The following LCLAT1 variants were observed in gnomAD, a reference collection of about 807,000 sequenced individuals.
The protein encoded by LCLAT1 is lysocardiolipin acyltransferase 1, also known as 1-AGP acyltransferase 8.
LCLAT1 carries 11 observed loss-of-function variants against 30.7 expected under a neutral mutation model. That is an observed-to-expected ratio of 0.36 (90% CI 0.23 to 0.59). LCLAT1 has a LOEUF of 0.59. Among genes scored for constraint, LCLAT1 ranks in the 20% least tolerant of loss-of-function variants. The pLI is 0.77. For synonymous variants in LCLAT1, 155 were observed against 151.3 expected (o/e 1.02, Z -0.18); for missense variants, 402 against 458.6 (o/e 0.88, Z 1.13).
intron 3 of LCLAT1, among the ~76,000 whole-genome samples, chr2:30,558,489 A>G (rs889508386): frequency 2.7e-5 from 4 of 150,816 alleles, no homozygotes; most frequent in African/African-American, 9.8e-5. Flanking sequence ...AGTCCCAACT[A>G]CTCGAGGCTG....
At chr2:30,562,620 G>A (rs185858372) in intron 4 of LCLAT1, among the ~76,000 whole-genome samples, 2 of 152,262 alleles carry the variant, frequency 1.3e-5, no homozygotes, top group East Asian at 1.9e-4. Context: ...TGAATTTATA[G>A]TAGGCAACTC....
chr2:30,504,982 A>G (rs2148348810), intron 1 of LCLAT1, among the ~76,000 whole-genome samples: 1 of 152,296 alleles, frequency 6.6e-6, no homozygotes, highest in East Asian at 1.9e-4. Context: ...TTAGCAATAC[A>G]TCTTGGAGAG....
chr2:30,612,386 C>CT (rs1304270029), intron 5 of LCLAT1, among the ~76,000 whole-genome samples: 1 of 152,084 alleles, frequency 6.6e-6, no homozygotes, highest in East Asian at 1.9e-4. Flanking sequence ...TAAAAGGCAC[C>CT]TATCATCATT....
chr2:30,461,799 C>T (rs1255372624), intron 1 of LCLAT1, among the ~76,000 whole-genome samples: 2 of 108,890 alleles, frequency 1.8e-5, no homozygotes, highest in African/African-American at 6.5e-5. Flanking sequence ...GAGACGGAGT[C>T]TCGCTCTGTC....
chr2:30,635,725 G>C (rs1381961099), intron 5 of LCLAT1, among the ~76,000 whole-genome samples: 3 of 152,298 alleles, frequency 2.0e-5, no homozygotes, highest in East Asian at 3.9e-4. Flanking sequence ...AGAAATTGTA[G>C]TAGATGCTAA....
chr2:30,521,191 T>G (rs1169439515), intron 1 of LCLAT1, among the ~76,000 whole-genome samples: 1 of 152,214 alleles, frequency 6.6e-6, no homozygotes, highest in African/African-American at 2.4e-5. Flanking sequence ...GAAGTTACCC[T>G]ATAAGGTCTA....
intron 5 of LCLAT1, among the ~76,000 whole-genome samples, chr2:30,616,871 A>T (rs1668017925): frequency 6.6e-6 from 1 of 152,216 alleles, no homozygotes; most frequent in Admixed American, 6.5e-5. Flanking sequence ...ACATGTGAAT[A>T]AATTTGTTTC....
chr2:30,622,368 G>A (rs930356179), intron 5 of LCLAT1, among the ~76,000 whole-genome samples: 1 of 152,128 alleles, frequency 6.6e-6, no homozygotes, highest in South Asian at 2.1e-4. Context: ...TGAGAGCTCT[G>A]TTGTCCCTCC....
chr2:30,513,477 C>A (rs1188053392), intron 1 of LCLAT1, among the ~76,000 whole-genome samples: 1 of 151,818 alleles, frequency 6.6e-6, no homozygotes, highest in Non-Finnish European at 1.5e-5. Context: ...CTTTATTGAC[C>A]CCTAGTCTCA....
At chr2:30,532,409 G>T (rs542474778) in intron 2 of LCLAT1, among the ~76,000 whole-genome samples, 2 of 152,184 alleles carry the variant, frequency 1.3e-5, no homozygotes, top group South Asian at 4.1e-4. Context: ...AGAATTCAAA[G>T]AAGAGTTTGA....
intron 5 of LCLAT1, among the ~76,000 whole-genome samples, chr2:30,568,864 C>CAAAAAAAAAA (rs61325694): frequency 1.2e-4 from 11 of 89,102 alleles, no homozygotes; most frequent in African/African-American, 2.0e-4. Flanking sequence ...TCATGAATAG[C>CAAAAAAAAAA]AAAAAAAAAA....
rs926362033 is a variant in LCLAT1 at position 30,641,352 on chromosome 2, T to C, written c.*733T>C. On this transcript the variant is annotated 3_prime_UTR_variant, in exon 6 of 6. Transcript: ENST00000379509. ...TACAGTTTAAGTTCCTTTCTCACAC[T>C]CAGTATTGCATGCTTAGTGCTGGTT... The C allele has an allele frequency of 2.0e-5, 3 of 152,192 alleles. No homozygotes were observed. Among genetic ancestry groups the C allele is most frequent in the Non-Finnish European group, 4.4e-5 (3 of 68,038 alleles). 9.4% of individuals were successfully genotyped at this position (152,192 alleles called of 1,614,324 possible).
intron 1 of LCLAT1, among the ~76,000 whole-genome samples, chr2:30,461,688 G>A (rs1682136333): frequency 6.6e-6 from 1 of 151,918 alleles, no homozygotes; most frequent in Admixed American, 6.6e-5. Flanking sequence ...AACCCTTTGG[G>A]TTGGGCCAAC....
chr2:30,537,998 T>A (rs1419474853), intron 3 of LCLAT1, among the ~76,000 whole-genome samples: 1 of 151,488 alleles, frequency 6.6e-6, no homozygotes, highest in Non-Finnish European at 1.5e-5. Flanking sequence ...ATGAAGAAAT[T>A]AAGAAGGAAA....
chr2:30,458,649 G>C (rs1188565261), intron 1 of LCLAT1, among the ~76,000 whole-genome samples: 1 of 152,116 alleles, frequency 6.6e-6, no homozygotes. Context: ...GAGTGATGGT[G>C]GGTGGAAGTG....
At chr2:30,514,571 G>C (rs1354599649) in intron 1 of LCLAT1, among the ~76,000 whole-genome samples, 1 of 152,144 alleles carries the variant, frequency 6.6e-6, no homozygotes, top group Non-Finnish European at 1.5e-5. Context: ...GTTCCTGATA[G>C]GTATTCGGTG....
chr2:30,593,568 T>G (rs1666790519), intron 5 of LCLAT1, among the ~76,000 whole-genome samples: 1 of 152,180 alleles, frequency 6.6e-6, no homozygotes, highest in Non-Finnish European at 1.5e-5. Context: ...TAGTATTGTG[T>G]TTTTTATTTC....
At chr2:30,462,850 A>G (rs1393911096) in intron 1 of LCLAT1, among the ~76,000 whole-genome samples, 1 of 152,226 alleles carries the variant, frequency 6.6e-6, no homozygotes, top group African/African-American at 2.4e-5. Flanking sequence ...AAACATATTC[A>G]AAGTAACCAG....
intron 3 of LCLAT1, among the ~76,000 whole-genome samples, chr2:30,539,479 C>G (rs975639286): frequency 6.6e-6 from 1 of 151,986 alleles, no homozygotes; most frequent in Non-Finnish European, 1.5e-5. Flanking sequence ...GATCTAGACA[C>G]CACTAAATGT....
Sources: gnomAD v4.1 joint callset for allele counts (sites outside exome capture counted in the v4.1 genomes callset) on GRCh38, gnomAD v4.1.1 for gene constraint, MANE v1.5 for transcripts, NCBI Gene and HGNC (gene_info 2026-07-23, HGNC 2026-07-21) for gene names.